The following ALCAM variants were observed in gnomAD, a reference collection of about 807,000 sequenced individuals.
The protein encoded by ALCAM is CD166 antigen.
A neutral mutation model predicts 70.9 loss-of-function variants in ALCAM; 30 were observed. The ratio of observed to expected loss-of-function variants is 0.42; its 90% CI spans 0.32 to 0.57. ALCAM has a LOEUF of 0.57. Among genes scored for constraint, ALCAM ranks in the 20% least tolerant of loss-of-function variants. ALCAM has a pLI of 0.11. For synonymous variants in ALCAM, 249 were observed against 242.5 expected (o/e 1.03, Z -0.25); for missense variants, 591 against 695.1 (o/e 0.85, Z 1.68).
chr3:105,533,259 A>G (rs1939885616), intron 4 of ALCAM, among the ~76,000 whole-genome samples: 1 of 152,166 alleles, frequency 6.6e-6, no homozygotes, highest in African/African-American at 2.4e-5. Context: ...ATTCATGGTA[A>G]TAGTCAGTGT....
intron 1 of ALCAM, among the ~76,000 whole-genome samples, chr3:105,430,861 G>A (rs1425069492): frequency 6.6e-6 from 1 of 151,978 alleles, no homozygotes; most frequent in African/African-American, 2.4e-5. Flanking sequence ...CATCCTATCA[G>A]TATGGACTCA....
chr3:105,492,612 C>T (rs7618851), intron 1 of ALCAM, among the ~76,000 whole-genome samples: 1 of 152,160 alleles, frequency 6.6e-6, no homozygotes, highest in Non-Finnish European at 1.5e-5. Flanking sequence ...TATAACCCAA[C>T]ATATGTCAAA....
chr3:105,471,316 G>A (rs1490752350), intron 1 of ALCAM, among the ~76,000 whole-genome samples: 1 of 151,224 alleles, frequency 6.6e-6, no homozygotes, highest in African/African-American at 2.4e-5. Context: ...AGTAAACATA[G>A]GAAAAGGAAA....
At chr3:105,390,865 T>G (rs373550381) in intron 1 of ALCAM, among the ~76,000 whole-genome samples, 2 of 152,240 alleles carry the variant, frequency 1.3e-5, no homozygotes, top group African/African-American at 4.8e-5. Flanking sequence ...CTTTCCTCAT[T>G]GTTTGTTTTT....
intron 1 of ALCAM, among the ~76,000 whole-genome samples, chr3:105,426,634 C>T (rs943846992): frequency 2.6e-5 from 4 of 151,816 alleles, no homozygotes; most frequent in Non-Finnish European, 4.4e-5. Context: ...GATTTGTACT[C>T]GTTGACAAAT....
At chr3:105,482,583 T>C (rs1367409648) in intron 1 of ALCAM, among the ~76,000 whole-genome samples, 1 of 152,186 alleles carries the variant, frequency 6.6e-6, no homozygotes, top group East Asian at 1.9e-4. Flanking sequence ...ATTCTGTTCA[T>C]TTTGAATGAT....
At chr3:105,379,262 A>C (rs1196947073) in intron 1 of ALCAM, among the ~76,000 whole-genome samples, 1 of 151,994 alleles carries the variant, frequency 6.6e-6, no homozygotes, top group Non-Finnish European at 1.5e-5. Context: ...AGTTATTCAC[A>C]TCAGAAAAAC....
intron 14 of ALCAM, among the ~76,000 whole-genome samples, chr3:105,568,065 T>TTA (rs1940784458): frequency 1.5e-5 from 1 of 66,654 alleles, no homozygotes; most frequent in South Asian, 4.8e-4. Flanking sequence ...TTTATTTTAT[T>TTA]TTTTTTTTTT....
chr3:105,447,713 A>G (rs1937332983), intron 1 of ALCAM, among the ~76,000 whole-genome samples: 1 of 152,242 alleles, frequency 6.6e-6, no homozygotes, highest in Non-Finnish European at 1.5e-5. Context: ...AACTGTCTCA[A>G]ATTAAAAAGG....
intron 1 of ALCAM, among the ~76,000 whole-genome samples, chr3:105,428,421 A>G (rs1227640982): frequency 6.6e-6 from 1 of 151,874 alleles, no homozygotes; most frequent in African/African-American, 2.4e-5. Context: ...ATATCATAAT[A>G]TTTCTTTTTT....
At chr3:105,528,431 G>A (rs1939761639) in intron 3 of ALCAM, among the ~76,000 whole-genome samples, 1 of 152,126 alleles carries the variant, frequency 6.6e-6, no homozygotes, top group Non-Finnish European at 1.5e-5. Flanking sequence ...AAAATCTCCT[G>A]TATAACTGCA....
At chr3:105,560,596 G>A (rs1228951754) in intron 14 of ALCAM, among the ~76,000 whole-genome samples, 1 of 152,082 alleles carries the variant, frequency 6.6e-6, no homozygotes, top group Admixed American at 6.6e-5. Flanking sequence ...TCTACTATAT[G>A]AAATCTTTGC....
At chr3:105,422,590 T>G (rs1936695047) in intron 1 of ALCAM, among the ~76,000 whole-genome samples, 1 of 151,496 alleles carries the variant, frequency 6.6e-6, no homozygotes, top group Non-Finnish European at 1.5e-5. Flanking sequence ...TTTATGGCGC[T>G]GTTGTAATCA....
At chr3:105,560,410 A>T (rs1480221712) in intron 14 of ALCAM, among the ~76,000 whole-genome samples, 1 of 152,102 alleles carries the variant, frequency 6.6e-6, no homozygotes, top group African/African-American at 2.4e-5. Flanking sequence ...GATTTGTAAG[A>T]GTTCTTAACA....
chr3:105,432,431 A>G (rs115085827), intron 1 of ALCAM, among the ~76,000 whole-genome samples: 2,332 of 152,236 alleles, frequency 0.015, 25 homozygotes, highest in Middle Eastern at 0.048. Context: ...CCCATAGAAA[A>G]CTGCTTATGT....
At chr3:105,452,725 C>T (rs1437150643) in intron 1 of ALCAM, among the ~76,000 whole-genome samples, 3 of 152,224 alleles carry the variant, frequency 2.0e-5, no homozygotes, top group Non-Finnish European at 1.5e-5. Context: ...TCCACAGCCT[C>T]ACCAATATCC....
chr3:105,496,827 GGT>G (rs1553728769), intron 1 of ALCAM, among the ~76,000 whole-genome samples: 21 of 103,884 alleles, frequency 2.0e-4, no homozygotes, highest in African/African-American at 6.5e-4. Context: ...GTCCAATTGA[GGT>G]GTGTGTGTGT....
chr3:105,485,401 G>T (rs978310110), intron 1 of ALCAM, among the ~76,000 whole-genome samples: 8 of 151,142 alleles, frequency 5.3e-5, no homozygotes, highest in Non-Finnish European at 1.0e-4. Context: ...GTGTGTGCGC[G>T]CACATCCACA....
intron 1 of ALCAM, among the ~76,000 whole-genome samples, chr3:105,492,024 A>G (rs1451922926): frequency 6.6e-6 from 1 of 152,192 alleles, no homozygotes; most frequent in African/African-American, 2.4e-5. Context: ...TGGATAATTT[A>G]TAAAGGAAAG....
Sources: allele counts gnomAD v4.1 joint callset (sites outside exome capture counted in the v4.1 genomes callset), GRCh38; gene constraint gnomAD v4.1.1; transcripts MANE v1.5; gene names NCBI Gene and HGNC (gene_info 2026-07-23, HGNC 2026-07-21).